WRNIP1: variants seen among roughly 807,000 people sequenced by gnomAD.
WRNIP1 encodes ATPase WRNIP1.
WRNIP1 carries 41 observed loss-of-function variants against 56.1 expected under a neutral mutation model. The observed-to-expected ratio is 0.73, with a 90% CI of 0.57 to 0.95. The LOEUF (loss-of-function observed/expected upper bound fraction) is 0.95, where lower values mean the gene tolerates loss of function less well. WRNIP1 is among the 40% of genes least tolerant of loss of function. The pLI is 0.00. For synonymous variants in WRNIP1, 547 were observed against 398.1 expected (o/e 1.37, Z -4.45); for missense variants, 1,170 against 939.4 (o/e 1.25, Z -3.21).
rs1303248496 is a variant in WRNIP1, at chr6:2,786,816, T to A, written c.*1534T>A. On this transcript the variant is annotated 3_prime_UTR_variant, in exon 7 of 7. Coordinates refer to ENST00000380773, the MANE Select transcript of WRNIP1 (RefSeq NM_020135.3). Reference sequence around the variant, plus strand: ...CTCTTCTGTCTTTGCTCCCCGTGTTTTAAAAGTCTGCACTGGGTACTTGTT... The same window carrying A: ...CTCTTCTGTCTTTGCTCCCCGTGTTATAAAAGTCTGCACTGGGTACTTGTT... 1 of 152,252 alleles carries A rather than the reference T, an allele frequency of 6.6e-6. No individual in the cohort carries two copies. The highest frequency in any genetic ancestry group is 1.5e-5 in the Non-Finnish European group (1 of 68,050). The allele number at this position is 152,252 out of a possible 1,614,324, so 9.4% of individuals were successfully genotyped here.
At chr6:2,770,496 A>G (rs926686821) in intron 3 of WRNIP1, 135 bp downstream of exon 3, 24 of 1,297,962 alleles carry the variant, frequency 1.8e-5, no homozygotes, top group Non-Finnish European at 2.3e-5. Context: ...CGTAATGAAA[A>G]TAAAAGAGGA....
chr6:2,785,723 G>A lies in WRNIP1; in HGVS notation c.*441G>A, dbSNP rs1003473802. On this transcript the variant is annotated 3_prime_UTR_variant, in exon 7 of 7. Transcript: ENST00000380773. The stretch of plus-strand genomic sequence containing the variant: ...TTTTTTATATGCAAAGGTCTTACGA[G>A]CCAATAAAACTATTTCAAAGTACTC... 6.1e-6 allele frequency: 1 copy of A among 163,364 alleles called. No homozygotes were observed. The highest frequency in any genetic ancestry group is 5.9e-5 in the Admixed American group (1 of 16,978). 10.1% of individuals were successfully genotyped at this position (163,364 alleles called of 1,614,324 possible). A position where few individuals can be genotyped will look rare whatever the true frequency, so the allele number is the denominator to read the frequency against.
chr6:2,785,248 G>C lies in WRNIP1; in HGVS notation c.1964G>C (p.Arg655Thr), dbSNP rs770242729. Residue 655 changes from arginine (R) to threonine (T), a missense_variant, in exon 7 of 7, where the codon AGG becomes ACG. By Grantham distance (71) the Arg-to-Thr change is moderately conservative. Transcript: ENST00000380773. ...CAGGAGTACCTGCCTGAAGAGTTGA[G>C]GGGGGTAGATTTCTTCAAGCAGAGG... Reference protein sequence around the residue: ...VDQEYLPEELRGVDFFKQRRC With the variant: ...VDQEYLPEELTGVDFFKQRRC 8 of 1,613,862 alleles carry C rather than the reference G, an allele frequency of 5.0e-6. No individual in the cohort carries two copies. Among genetic ancestry groups the C allele is most frequent in the Admixed American group, 3.3e-5 (2 of 60,002 alleles).
At position 2,779,434 on chromosome 6, in the gene WRNIP1, C is replaced by T. The variant is rs1044457036; in HGVS notation, c.1428C>T (p.Ile476=). The change falls in exon 4 of 7, where the codon ATC becomes ATT. Residue 476 remains isoleucine (I), a synonymous_variant. Transcript: ENST00000380773. ...GQSYSPSRVL[I]TENDVKEGLQ... The stretch of plus-strand genomic sequence containing the variant: ...CCTATTCTCCCAGTAGAGTTCTGAT[C>T]ACAGAGAATGACGTGAAGGAGGGCC... The T allele has an allele frequency of 1.2e-6, 2 of 1,614,212 alleles. No homozygotes were observed. Among genetic ancestry groups the T allele is most frequent in the African/African-American group, 1.3e-5 (1 of 75,044 alleles).
chr6:2,776,277 T>G (rs1465913796), intron 3 of WRNIP1, among the ~76,000 whole-genome samples: 1 of 152,234 alleles, frequency 6.6e-6, no homozygotes, highest in Non-Finnish European at 1.5e-5. Flanking sequence ...CCCTGCTCAG[T>G]CGTCTTCACA....
intron 2 of WRNIP1, 22 bp from the exon 3 acceptor site, chr6:2,770,098 T>C: frequency 6.2e-7 from 1 of 1,612,788 alleles, no homozygotes; most frequent in Non-Finnish European, 8.5e-7. Flanking sequence ...ATCACTTTTT[T>C]CTGTTTTCCT....
intron 3 of WRNIP1, among the ~76,000 whole-genome samples, chr6:2,774,983 T>TA: frequency 6.6e-6 from 1 of 152,310 alleles, no homozygotes; most frequent in East Asian, 1.9e-4. Context: ...CCACATGTCT[T>TA]AATCTCATTC....
intron 3 of WRNIP1, among the ~76,000 whole-genome samples, chr6:2,778,638 C>T (rs1257610595): frequency 6.6e-6 from 1 of 152,190 alleles, no homozygotes; most frequent in Non-Finnish European, 1.5e-5. Context: ...TTAGTGTCCA[C>T]TATGAGATGA....
chr6:2,769,787 C>G (rs1765197945), intron 2 of WRNIP1, among the ~76,000 whole-genome samples: 1 of 152,128 alleles, frequency 6.6e-6, no homozygotes, highest in Non-Finnish European at 1.5e-5. Context: ...TACATATAAG[C>G]TATGTGCCAG....
In WRNIP1 at chr6:2,766,345, G is replaced by T; in HGVS notation, c.723G>T (p.Gly241=). The change falls in exon 1 of 7, where the codon GGG becomes GGT. Residue 241 remains glycine (G), a synonymous_variant. Coordinates refer to ENST00000380773, the MANE Select transcript of WRNIP1 (RefSeq NM_020135.3). ...MRPDTLQDYF[G]QSKAVGQDTL... ...CTGACACGCTGCAGGATTACTTCGG[G>T]CAGAGCAAGGCCGTGGGCCAGGATA... The T allele has an allele frequency of 6.2e-7, 1 of 1,610,516 alleles. No individual in the cohort carries two copies.
chr6:2,773,136 A>G, intron 3 of WRNIP1: 1 of 985,428 alleles, frequency 1.0e-6, no homozygotes, highest in Non-Finnish European at 1.2e-6. Context: ...CACACAGTAT[A>G]CTCATGTAAG....
chr6:2,776,916 A>T (rs1406353673), intron 3 of WRNIP1, among the ~76,000 whole-genome samples: 2 of 152,208 alleles, frequency 1.3e-5, no homozygotes, highest in Non-Finnish European at 1.5e-5. Context: ...TTAAAATTTA[A>T]TGTAAATTTT....
Position 2,770,121 on chromosome 6 carries a change from A to T in WRNIP1, c.1016A>T (p.Asp339Val). The T allele has an allele frequency of 6.2e-7, 1 of 1,614,158 alleles. No homozygotes were observed. Among genetic ancestry groups the T allele is most frequent in the Non-Finnish European group, 8.5e-7 (1 of 1,180,026 alleles). ...EIHRFNKSQQ[D>V]TFLPHVECGT... ...TTTCTGTTTTCCTCCCATGATTAGG[A>T]CACTTTCCTTCCTCACGTGGAATGT... Residue 339 changes from aspartate to valine, a missense_variant and splice_region_variant, in exon 3 of 7, where the codon GAC (aspartate) becomes GTC (valine). Physicochemically the swap from Asp to Val is radical, Grantham distance 152 (BLOSUM62 -3). Coordinates refer to ENST00000380773, the MANE Select transcript of WRNIP1 (RefSeq NM_020135.3).
At chr6:2,775,712 T>C (rs188926266) in intron 3 of WRNIP1, among the ~76,000 whole-genome samples, 2 of 152,354 alleles carry the variant, frequency 1.3e-5, no homozygotes, top group African/African-American at 4.8e-5. Context: ...ATTCTTCTGT[T>C]AAAATTAAAG....
chr6:2,784,491 C>A, intron 6 of WRNIP1, 88 bp downstream of exon 6: 1 of 1,375,176 alleles, frequency 7.3e-7, no homozygotes, highest in Non-Finnish European at 1.0e-6. Flanking sequence ...GTCCCTCCTT[C>A]ACCATTGGTG....
chr6:2,784,221 T>G (rs1409323434), intron 5 of WRNIP1, 103 bp from the exon 6 acceptor site: 1 of 1,053,570 alleles, frequency 9.5e-7, no homozygotes, highest in Non-Finnish European at 1.4e-6. Flanking sequence ...ATTGTTTTGG[T>G]CACCAAGTGT....
At chr6:2,782,584 T>C (rs1294538642) in intron 4 of WRNIP1, among the ~76,000 whole-genome samples, 1 of 152,244 alleles carries the variant, frequency 6.6e-6, no homozygotes, top group Non-Finnish European at 1.5e-5. Context: ...CATCCTCCGC[T>C]TTCTCGTGAG....
chr6:2,774,253 A>T (rs2113469003), intron 3 of WRNIP1: 1 of 985,418 alleles, frequency 1.0e-6, no homozygotes, highest in African/African-American at 1.7e-5. Flanking sequence ...AGAACCACAG[A>T]TCTCATGGTC....
rs1764955086 is a variant in WRNIP1 at position 2,766,085 on chromosome 6, C to T, written c.463C>T (p.Arg155Cys). 6.9e-6 allele frequency: 9 copies of T among 1,304,248 alleles called. No homozygotes were observed. The East Asian group carries it at 1.2e-4, about 18-fold the overall frequency. The allele number at this position is 1,304,248 out of a possible 1,614,324, so 80.8% of individuals were successfully genotyped here. A position where few individuals can be genotyped will look rare whatever the true frequency, so the allele number is the denominator to read the frequency against. Residue 155 changes from arginine to cysteine, a missense_variant, in exon 1 of 7, where the codon CGC becomes TGC. Physicochemically the swap from Arg to Cys is radical, Grantham distance 180 (BLOSUM62 -3). Transcript: ENST00000380773. ...AAAAAGSASPRSWDEAEAQEE... is the reference protein window; with the variant it reads ...AAAAAGSASPCSWDEAEAQEE... ...CGCCGCGGCGGGGAGCGCGTCTCCG[C>T]GCAGCTGGGACGAGGCGGAGGCGCA...
Sources: allele counts gnomAD v4.1 joint callset (sites outside exome capture counted in the v4.1 genomes callset), GRCh38; gene constraint gnomAD v4.1.1; transcripts MANE v1.5; gene names NCBI Gene and HGNC (gene_info 2026-07-23, HGNC 2026-07-21).